Variants in BIK observed in about 807,000 individuals in gnomAD.
BIK encodes bcl-2-interacting killer.
Under a neutral mutation model 12.1 loss-of-function variants are expected in BIK, and 14 were observed. The observed-to-expected ratio is 1.16, with a 90% CI of 0.77 to 1.81. BIK has a LOEUF of 1.81. BIK is among the 40% of genes most tolerant of loss of function. BIK has a pLI of 0.00. For missense variants in BIK, 215 were observed against 207.9 expected (o/e 1.03, Z -0.21); for synonymous variants, 86 against 92.3 (o/e 0.93, Z 0.39).
chr22:43,121,261 G>A (rs941213184), intron 1 of BIK, among the ~76,000 whole-genome samples: 3 of 152,194 alleles, frequency 2.0e-5, no homozygotes, highest in African/African-American at 7.2e-5. Flanking sequence ...AGGAAGGGTT[G>A]GGCTAGGGTA....
intron 1 of BIK, among the ~76,000 whole-genome samples, chr22:43,116,581 C>G (rs1477382770): frequency 6.6e-6 from 1 of 152,076 alleles, no homozygotes; most frequent in Non-Finnish European, 1.5e-5. Flanking sequence ...GCCTCAGCCT[C>G]CCGAGTAGCT....
At chr22:43,123,976 G>T in intron 1 of BIK, 40 bp from the exon 2 acceptor site, 1 of 1,607,608 alleles carries the variant, frequency 6.2e-7, no homozygotes, top group Non-Finnish European at 8.5e-7. Context: ...AGACTGCTCA[G>T]TTCTTAGGGG....
At chr22:43,122,296 G>A (rs1024062703) in intron 1 of BIK, among the ~76,000 whole-genome samples, 2 of 152,202 alleles carry the variant, frequency 1.3e-5, no homozygotes, top group Non-Finnish European at 1.5e-5. Flanking sequence ...AACACCCAGG[G>A]CATTATGGTA....
At chr22:43,123,614 C>T (rs1448739268) in intron 1 of BIK, among the ~76,000 whole-genome samples, 3 of 151,796 alleles carry the variant, frequency 2.0e-5, no homozygotes, top group Admixed American at 6.6e-5. Flanking sequence ...ATTAGCCAGG[C>T]ATAGCTCATG....
At chr22:43,119,671 CTCTGAGGG>C (rs1930182754) in intron 1 of BIK, among the ~76,000 whole-genome samples, 1 of 152,016 alleles carries the variant, frequency 6.6e-6, no homozygotes, top group Non-Finnish European at 1.5e-5. Flanking sequence ...CCCAAGCAGA[CTCTGAGGG>C]TCCAAGAAGG....
At chr22:43,119,865 G>C (rs1014594713) in intron 1 of BIK, among the ~76,000 whole-genome samples, 1 of 152,116 alleles carries the variant, frequency 6.6e-6, no homozygotes, top group African/African-American at 2.4e-5. Context: ...AGTTACCCTG[G>C]AGGCTGAGGT....
chr22:43,129,273 C>CT lies in BIK; in HGVS notation c.452dup (p.Ser152GlnfsTer24). The CT allele has an allele frequency of 6.2e-7, 1 of 1,601,326 alleles. No individual in the cohort carries two copies. The highest frequency in any genetic ancestry group is 1.1e-5 in the South Asian group (1 of 90,898). ...GCTGCTGGCGCTGCTGCTGCCGCTG[C>CT]TCAGCGGGGGCCTGCACCTGCTGCT... On this transcript the variant is annotated frameshift_variant, in exon 5 of 5. Transcript: ENST00000216115. LOFTEE classifies it high-confidence loss of function.
Position 43,128,602 on chromosome 22 carries a change from A to C in BIK, c.367A>C (p.Arg123=). 1.2e-6 allele frequency: 2 copies of C among 1,612,676 alleles called. No homozygotes were observed. Among genetic ancestry groups the C allele is most frequent in the Non-Finnish European group, 1.7e-6 (2 of 1,179,066 alleles). ...TLKENIMRFW[R]SPNPGSWVSC... ...TAAGGAGAACATAATGAGGTTCTGG[A>C]GATCCCCGAACCCCGGGTCCTGGGT... is the stretch of plus-strand genomic sequence containing the variant. Residue 123 remains arginine, a synonymous_variant, in exon 4 of 5, where the codon AGA becomes CGA. Transcript: ENST00000216115.
intron 2 of BIK, among the ~76,000 whole-genome samples, chr22:43,125,589 G>A (rs1179302899): frequency 1.5e-5 from 2 of 133,022 alleles, no homozygotes; most frequent in Non-Finnish European, 3.2e-5. Flanking sequence ...GTGGGGGGAT[G>A]GGCGCTGGTA....
chr22:43,127,405 C>G (rs969835388), intron 2 of BIK, among the ~76,000 whole-genome samples: 2 of 152,218 alleles, frequency 1.3e-5, no homozygotes, highest in Non-Finnish European at 2.9e-5. Flanking sequence ...GCCTGTTCCC[C>G]TTGTCCACCA....
At chr22:43,128,680 C>G (rs1461110450) in intron 4 of BIK, 55 bp downstream of exon 4, 5 of 1,554,520 alleles carry the variant, frequency 3.2e-6, no homozygotes, top group Non-Finnish European at 1.7e-6. Context: ...TGGGGGCTGT[C>G]AGAGCCGCTC....
chr22:43,117,866 T>C, intron 1 of BIK, among the ~76,000 whole-genome samples: 1 of 150,030 alleles, frequency 6.7e-6, no homozygotes, highest in African/African-American at 2.5e-5. Context: ...GAGACGGAGT[T>C]TTATTACCAT....
At position 43,129,328 on chromosome 22, in the gene BIK, G is replaced by A; in HGVS notation, c.*23G>A. On this transcript the variant is annotated 3_prime_UTR_variant, in exon 5 of 5. Transcript: ENST00000216115. Reference sequence around the variant, plus strand: ...TGAGGCCCCGGCGGCTCAGGGCGGGGCTGGCCCCACCCCCATGACCACTGC... The same window carrying A: ...TGAGGCCCCGGCGGCTCAGGGCGGGACTGGCCCCACCCCCATGACCACTGC... 1 of 1,593,844 alleles carries A rather than the reference G, an allele frequency of 6.3e-7. No individual in the cohort carries two copies. The highest frequency in any genetic ancestry group is 8.5e-7 in the Non-Finnish European group (1 of 1,177,096).
chr22:43,128,542 G>A lies in BIK; in HGVS notation c.307G>A (p.Val103Ile), dbSNP rs778851916. ...IYDQTEDIRD[V>I]LRSFMDGFTT... ...CGACCAGACTGAGGACATCAGGGATGTTCTTAGAAGTTTCATGGACGGTTT... is the reference window on the plus strand; with the variant it reads ...CGACCAGACTGAGGACATCAGGGATATTCTTAGAAGTTTCATGGACGGTTT... The change falls in exon 4 of 5, where the codon GTT (valine) becomes ATT (isoleucine). Residue 103 changes from valine to isoleucine, a missense_variant. Transcript: ENST00000216115. 6 of 1,613,938 alleles carry A rather than the reference G, an allele frequency of 3.7e-6. No individual in the cohort carries two copies. The South Asian group carries it at 6.6e-5, about 18-fold the overall frequency.
intron 2 of BIK, among the ~76,000 whole-genome samples, chr22:43,124,498 C>T (rs780006408): frequency 1.6e-4 from 25 of 152,178 alleles, no homozygotes; most frequent in Middle Eastern, 3.2e-3. Flanking sequence ...AGGCCCTTAG[C>T]GACCTGCTGA....
chr22:43,121,013 A>G (rs1488755537), intron 1 of BIK, among the ~76,000 whole-genome samples: 1 of 152,162 alleles, frequency 6.6e-6, no homozygotes, highest in African/African-American at 2.4e-5. Flanking sequence ...CGACTCTACT[A>G]AAAATACAAA....
chr22:43,116,246 G>A (rs1462391324), intron 1 of BIK, among the ~76,000 whole-genome samples: 1 of 152,104 alleles, frequency 6.6e-6, no homozygotes, highest in Non-Finnish European at 1.5e-5. Context: ...TTTTATAGGT[G>A]TTCGAACAGG....
intron 4 of BIK, 75 bp downstream of exon 4, chr22:43,128,700 C>A: frequency 6.6e-7 from 1 of 1,510,054 alleles, no homozygotes; most frequent in Non-Finnish European, 9.0e-7. Context: ...CCTTGGGGCG[C>A]CACAGTCCCC....
intron 1 of BIK, among the ~76,000 whole-genome samples, chr22:43,114,873 T>A (rs1930081293): frequency 6.6e-6 from 1 of 152,214 alleles, no homozygotes. Context: ...CAGGGCTACA[T>A]CTGCCCATGG....
Sources: allele counts gnomAD v4.1 joint callset (sites outside exome capture counted in the v4.1 genomes callset), GRCh38; gene constraint gnomAD v4.1.1; transcripts MANE v1.5; gene names NCBI Gene and HGNC (gene_info 2026-07-23, HGNC 2026-07-21).